The following TJP1 variants were observed in gnomAD, a reference collection of about 807,000 sequenced individuals.
The protein encoded by TJP1 is tight junction protein ZO-1.
Under a neutral mutation model 194.2 loss-of-function variants are expected in TJP1, and 43 were observed. The ratio of observed to expected loss-of-function variants is 0.22; its 90% confidence interval spans 0.17 to 0.29. The LOEUF (loss-of-function observed/expected upper bound fraction) is 0.29, where lower values mean the gene tolerates loss of function less well. Ranked by LOEUF, TJP1 falls within the 10% of genes least tolerant of loss-of-function variation. The pLI, the probability that TJP1 is intolerant of heterozygous loss-of-function variation, is 1.00. For missense variants in TJP1, 1,971 were observed against 2,185.7 expected (o/e 0.90, Z 1.96); for synonymous variants, 801 against 779.0 (o/e 1.03, Z -0.47).
chr15:29,846,082 C>T (rs2051396904), intron 2 of TJP1, among the ~76,000 whole-genome samples: 1 of 152,160 alleles, frequency 6.6e-6, no homozygotes, highest in Non-Finnish European at 1.5e-5. Flanking sequence ...TAACTCCTAT[C>T]TTTGCGTCTT....
chr15:29,854,346 A>G (rs1347229502), intron 2 of TJP1, among the ~76,000 whole-genome samples: 1 of 152,144 alleles, frequency 6.6e-6, no homozygotes, highest in Admixed American at 6.6e-5. Flanking sequence ...GGGTCTCTAT[A>G]GATGTAAGTT....
chr15:29,950,320 C>A (rs1388021816), intron 2 of TJP1, among the ~76,000 whole-genome samples: 3 of 150,934 alleles, frequency 2.0e-5, no homozygotes, highest in Admixed American at 2.0e-4. Context: ...CCACCTCCTT[C>A]ACCACCACTT....
At chr15:29,898,143 G>A (rs1448572958) in intron 2 of TJP1, among the ~76,000 whole-genome samples, 1 of 152,180 alleles carries the variant, frequency 6.6e-6, no homozygotes, top group Non-Finnish European at 1.5e-5. Flanking sequence ...CCTACGTGTT[G>A]TGGGAGGAAC....
At chr15:29,761,053 C>T in intron 8 of TJP1, 86 bp downstream of exon 8, 1 of 1,396,324 alleles carries the variant, frequency 7.2e-7, no homozygotes, top group Non-Finnish European at 9.5e-7. Context: ...AGAAATACAT[C>T]TTTTAATTTT....
chr15:29,763,041 T>C (rs1171163260), intron 5 of TJP1, among the ~76,000 whole-genome samples: 1 of 152,182 alleles, frequency 6.6e-6, no homozygotes, highest in African/African-American at 2.4e-5. Flanking sequence ...TCTGATCCTA[T>C]ACACCCCATG....
chr15:29,965,089 C>T (rs915233720), intron 1 of TJP1, among the ~76,000 whole-genome samples: 13 of 152,146 alleles, frequency 8.5e-5, no homozygotes, highest in African/African-American at 3.1e-4. Flanking sequence ...GAAGCCTTTC[C>T]ATATAGACTG....
At chr15:29,909,520 AC>A (rs2053949208) in intron 2 of TJP1, among the ~76,000 whole-genome samples, 1 of 152,074 alleles carries the variant, frequency 6.6e-6, no homozygotes, top group Non-Finnish European at 1.5e-5. Context: ...GTTGGAAAGA[AC>A]CTAAGTCCTT....
intron 14 of TJP1, 51 bp from the exon 15 acceptor site, chr15:29,732,579 T>C (rs1455614698): frequency 9.9e-6 from 16 of 1,613,048 alleles, no homozygotes; most frequent in Non-Finnish European, 1.4e-5. Context: ...TTTTCTTTCT[T>C]AAACATATTG....
chr15:29,920,848 C>G (rs1442718031), intron 2 of TJP1, among the ~76,000 whole-genome samples: 4 of 152,162 alleles, frequency 2.6e-5, no homozygotes, highest in Non-Finnish European at 5.9e-5. Context: ...AGATTTAAAA[C>G]ACTGTATTTC....
At position 29,733,287 on chromosome 15, in the gene TJP1, C is replaced by T; in HGVS notation, c.1543G>A (p.Val515Ile). Residue 515 changes from valine to isoleucine, a missense_variant, in exon 13 of 28, where the codon GTA (valine) becomes ATA (isoleucine). Val to Ile is a conservative substitution (Grantham distance 29, BLOSUM62 3). Around this residue, in one of 5 missense-constraint regions of TJP1, gnomAD observed 402 missense variants for 484.2 expected, o/e 0.83. Transcript: ENST00000614355. Reference protein sequence around the residue: ...DVYRRIVESDVGDSFYIRTHF... With the variant: ...DVYRRIVESDIGDSFYIRTHF... ...GTTCTAATATAGAAAGAATCTCCTA[C>T]ATCTGATTCTACAATGCGACGATAA... 6.2e-7 allele frequency: 1 copy of T among 1,612,604 alleles called. No homozygotes were observed. Among genetic ancestry groups the T allele is most frequent in the South Asian group, 1.1e-5 (1 of 90,966 alleles).
At chr15:29,832,207 T>C (rs962961966) in intron 2 of TJP1, among the ~76,000 whole-genome samples, 2 of 152,060 alleles carry the variant, frequency 1.3e-5, no homozygotes, top group African/African-American at 4.8e-5. Context: ...CACTAGGGCA[T>C]TGGGGCGGCT....
intron 2 of TJP1, among the ~76,000 whole-genome samples, chr15:29,799,865 G>A (rs2151879226): frequency 6.6e-6 from 1 of 152,280 alleles, no homozygotes; most frequent in African/African-American, 2.4e-5. Flanking sequence ...GAAATAGTAA[G>A]TGTAAAGTGC....
At chr15:29,812,296 A>C (rs77637278) in intron 1 of TJP1, among the ~76,000 whole-genome samples, 15,301 of 152,314 alleles carry the variant, frequency 0.1, 1,065 homozygotes, top group Non-Finnish European at 0.15. Context: ...CCATTAATGT[A>C]CATTTGCTTT....
intron 2 of TJP1, among the ~76,000 whole-genome samples, chr15:29,868,227 A>G (rs2152113558): frequency 6.6e-6 from 1 of 152,268 alleles, no homozygotes; most frequent in East Asian, 1.9e-4. Context: ...CTCAAAAGGA[A>G]AAAATCAGCG....
intron 4 of TJP1, among the ~76,000 whole-genome samples, chr15:29,770,051 GGTGGAAGACA>G (rs1441991273): frequency 2.0e-5 from 3 of 152,268 alleles, no homozygotes; most frequent in Admixed American, 2.0e-4. Context: ...AAACTGTGGA[GGTGGAAGACA>G]GTGACACTGA....
intron 2 of TJP1, among the ~76,000 whole-genome samples, chr15:29,922,407 C>T (rs1486818358): frequency 6.7e-6 from 1 of 149,276 alleles, no homozygotes; most frequent in Non-Finnish European, 1.5e-5. Flanking sequence ...GCTAAAGTTG[C>T]TGTCTATTAA....
intron 6 of TJP1, 120 bp downstream of exon 6, chr15:29,762,215 C>T (rs541188341): frequency 1.4e-6 from 1 of 735,722 alleles, no homozygotes. Flanking sequence ...TCCCTCTCCC[C>T]CAAACACTGA....
chr15:29,784,067 A>G (rs993291638), intron 2 of TJP1, among the ~76,000 whole-genome samples: 1 of 152,130 alleles, frequency 6.6e-6, no homozygotes, highest in Non-Finnish European at 1.5e-5. Flanking sequence ...CATGATATAT[A>G]TGAACAGTAG....
chr15:29,739,390 C>T (rs1465428288), intron 10 of TJP1, among the ~76,000 whole-genome samples: 5 of 152,194 alleles, frequency 3.3e-5, no homozygotes, highest in African/African-American at 9.7e-5. Flanking sequence ...ATCCTGTCCA[C>T]GTCCTCAAAT....
Sources: allele counts gnomAD v4.1 joint callset (sites outside exome capture counted in the v4.1 genomes callset), GRCh38; gene constraint gnomAD v4.1.1; regional missense constraint gnomAD v4.1.1; transcripts MANE v1.5; gene names NCBI Gene and HGNC (gene_info 2026-07-23, HGNC 2026-07-21).